Variants in HK1 observed in about 807,000 individuals in gnomAD.
HK1 encodes hexokinase-1.
In HK1, 28 loss-of-function variants were observed where a neutral mutation model predicts 91.6. The observed-to-expected ratio is 0.31, with a 90% CI of 0.23 to 0.42. The LOEUF (loss-of-function observed/expected upper bound fraction) is 0.42. Among genes scored for constraint, HK1 ranks in the 10% least tolerant of loss-of-function variants. HK1 has a pLI of 1.00. For synonymous variants in HK1, 430 were observed against 468.1 expected, an observed-to-expected ratio of 0.92 and a Z score of 1.05; for missense variants, 770 against 1,219.8, an observed-to-expected ratio of 0.63 and a Z score of 5.49.
At chr10:69,373,188 C>G (rs1850109175) in intron 7 of HK1, among the ~76,000 whole-genome samples, 1 of 152,170 alleles carries the variant, frequency 6.6e-6, no homozygotes, top group African/African-American at 2.4e-5. Flanking sequence ...GTTTTAAAAT[C>G]TCAGTGTGTT....
At chr10:69,287,011 C>CATT (rs1845065539) in intron 2 of HK1, among the ~76,000 whole-genome samples, 1 of 152,006 alleles carries the variant, frequency 6.6e-6, no homozygotes, top group African/African-American at 2.4e-5. Context: ...TTTGTAGACA[C>CATT]ATTGTATTAG....
intron 8 of HK1, among the ~76,000 whole-genome samples, chr10:69,379,064 A>G (rs1304207835): frequency 6.6e-6 from 1 of 152,018 alleles, no homozygotes; most frequent in Non-Finnish European, 1.5e-5. Context: ...GCACATACAG[A>G]TGTTTGCTGG....
intron 9 of HK1, among the ~76,000 whole-genome samples, chr10:69,381,419 CTTTCTTTTTTCTTTGTAA>C (rs1396600957): frequency 6.6e-6 from 1 of 151,828 alleles, no homozygotes; most frequent in African/African-American, 2.4e-5. Context: ...TTAGCCATTT[CTTTCTTTTTTCTTTGTAA>C]TTTCTTGGCT....
intron 5 of HK1, among the ~76,000 whole-genome samples, chr10:69,305,308 G>C (rs139222966): frequency 6.6e-6 from 1 of 152,276 alleles, no homozygotes; most frequent in African/African-American, 2.4e-5. Flanking sequence ...TCCGACTATA[G>C]GGGAGGCTGG....
At chr10:69,368,123 G>A (rs1849797222) in intron 4 of HK1, among the ~76,000 whole-genome samples, 1 of 152,230 alleles carries the variant, frequency 6.6e-6, no homozygotes, top group South Asian at 2.1e-4. Flanking sequence ...TTTGGCTCTG[G>A]CTTTCTTTTC....
chr10:69,331,818 G>C (rs1359204556), intron 1 of HK1, among the ~76,000 whole-genome samples: 1 of 152,072 alleles, frequency 6.6e-6, no homozygotes, highest in East Asian at 1.9e-4. Context: ...CAAGGCTGCA[G>C]TGAGCCATGA....
Position 69,392,224 on chromosome 10 carries a change from T to C in HK1, c.2135T>C (p.Phe712Ser). 6.2e-7 allele frequency: 1 copy of C among 1,614,010 alleles called. No individual in the cohort carries two copies. Among genetic ancestry groups the C allele is most frequent in the Non-Finnish European group, 8.5e-7 (1 of 1,179,996 alleles). The change falls in exon 15 of 18, where the codon TTT (phenylalanine) becomes TCT (serine). Residue 712 changes from phenylalanine to serine, a missense_variant. By Grantham distance (155) the Phe-to-Ser change is radical (BLOSUM62 -2). This residue lies in a region of HK1 where 152 missense variants were observed against 211.1 expected (regional missense o/e 0.72). Transcript: ENST00000359426. ...QMCINMEWGA[F>S]GDNGCLDDIR... ...TGCATCAACATGGAGTGGGGGGCCT[T>C]TGGGGACAACGGGTGTCTGGATGAT...
intron 2 of HK1, among the ~76,000 whole-genome samples, chr10:69,287,356 C>T (rs1003175504): frequency 6.6e-6 from 1 of 152,162 alleles, no homozygotes; most frequent in Non-Finnish European, 1.5e-5. Flanking sequence ...GGGGGGGAAC[C>T]GCCCCCATGA....
intron 1 of HK1, among the ~76,000 whole-genome samples, chr10:69,341,164 C>CTT (rs1344980570): frequency 7.9e-5 from 12 of 151,598 alleles, no homozygotes; most frequent in African/African-American, 2.9e-4. Context: ...ATATTTCTTT[C>CTT]TTTCTTTTTT....
chr10:69,381,492 G>T (rs892140666), intron 9 of HK1, among the ~76,000 whole-genome samples: 2 of 149,926 alleles, frequency 1.3e-5, no homozygotes, highest in African/African-American at 4.9e-5. Flanking sequence ...CATCACATTA[G>T]AATTTTTTTA....
chr10:69,370,649 G>A (rs143188764), intron 7 of HK1, among the ~76,000 whole-genome samples: 2 of 152,252 alleles, frequency 1.3e-5, no homozygotes, highest in African/African-American at 4.8e-5. Flanking sequence ...GGGGAGGTAG[G>A]GCAGACATGC....
At chr10:69,313,638 C>A (rs1019895162), upstream of HK1, among the ~76,000 whole-genome samples, 2 of 151,892 alleles carry the variant, frequency 1.3e-5, no homozygotes, top group South Asian at 4.2e-4. Flanking sequence ...GCTGGGATTA[C>A]AGGCATGTGC....
intron 1 of HK1, among the ~76,000 whole-genome samples, chr10:69,325,413 A>G (rs1202068520): frequency 6.6e-6 from 1 of 151,154 alleles, no homozygotes; most frequent in Admixed American, 6.6e-5. Context: ...GCTGGAATGC[A>G]GTGATGTGAT....
rs3750793 is a variant in HK1, at chr10:69,401,157, C to G, written c.*22C>G. On this transcript the variant is annotated 3_prime_UTR_variant, in exon 18 of 18. Transcript: ENST00000359426. ...CTAAGAGTCCGGGATCCCCAGCCTACTGCCTCTCCAGCACTTCTCTCTTCA... is the reference window on the plus strand; with the variant it reads ...CTAAGAGTCCGGGATCCCCAGCCTAGTGCCTCTCCAGCACTTCTCTCTTCA... The G allele has an allele frequency of 1.9e-6, 3 of 1,609,852 alleles. No homozygotes were observed. In the East Asian group the frequency reaches 6.7e-5, roughly 36 times the overall value.
intron 4 of HK1, chr10:69,295,703 T>TTC: frequency 2.1e-5 from 30 of 1,450,112 alleles, no homozygotes; most frequent in South Asian, 3.4e-5. Context: ...TTTTTTTTTT[T>TTC]ATTTCCTTCT....
intron 17 of HK1, among the ~76,000 whole-genome samples, chr10:69,399,327 TAGTG>T (rs1344826169): frequency 1.3e-5 from 2 of 152,072 alleles, no homozygotes; most frequent in Non-Finnish European, 2.9e-5. Context: ...CTAGGCAACA[TAGTG>T]AGACCTTGTC....
chr10:69,380,037 A>G lies in HK1; in HGVS notation c.1207A>G (p.Thr403Ala). The change falls in exon 9 of 18, where the codon ACA becomes GCA. Residue 403 changes from threonine to alanine, a missense_variant. Physicochemically the swap from Thr to Ala is moderately conservative, Grantham distance 58. Around this residue, in one of 7 missense-constraint regions of HK1, gnomAD observed 449 missense variants for 665.1 expected, o/e 0.68. Coordinates refer to ENST00000359426, the MANE Select transcript of HK1 (RefSeq NM_000188.3). This position sits in a 1 kb window ranked among gnomAD's most constrained non-coding sequence, Gnocchi z 4.0. Reference sequence around the variant, plus strand: ...GAACCGCCTGCGTGATAACAAGGGCACACCCAGGCTGCGGACCACGGTTGG... The same window carrying G: ...GAACCGCCTGCGTGATAACAAGGGCGCACCCAGGCTGCGGACCACGGTTGG... ...ILNRLRDNKG[T>A]PRLRTTVGVD... 1 of 1,614,176 alleles carries G rather than the reference A, an allele frequency of 6.2e-7. No individual in the cohort carries two copies. The highest frequency in any genetic ancestry group is 8.5e-7 in the Non-Finnish European group (1 of 1,180,006).
At chr10:69,304,599 C>G (rs563484917) in intron 5 of HK1, among the ~76,000 whole-genome samples, 1 of 152,232 alleles carries the variant, frequency 6.6e-6, no homozygotes, top group Non-Finnish European at 1.5e-5. Context: ...TGAGCCACTG[C>G]GCTCAGCCTC....
intron 1 of HK1, among the ~76,000 whole-genome samples, chr10:69,270,392 C>A (rs907064105): frequency 2.6e-5 from 4 of 152,050 alleles, no homozygotes; most frequent in Non-Finnish European, 5.9e-5. Context: ...ACCAGCCTGG[C>A]CAACATGGTG....
Sources: gnomAD v4.1 joint callset for allele counts (sites outside exome capture counted in the v4.1 genomes callset) on GRCh38, gnomAD v4.1.1 for gene constraint, gnomAD v4.1.1 regional missense constraint, Gnocchi (gnomAD v3.1) non-coding constraint, MANE v1.5 for transcripts, NCBI Gene and HGNC (gene_info 2026-07-23, HGNC 2026-07-21) for gene names.